MGST1: variants seen among roughly 807,000 people sequenced by gnomAD.
MGST1 encodes glutathione S-transferase 12.
MGST1 carries 5 observed loss-of-function variants against 8.9 expected under a neutral mutation model. That is an observed-to-expected ratio of 0.56 (90% CI 0.29 to 1.19). The LOEUF is 1.19. MGST1 is among the 50% of genes most tolerant of loss of function. The pLI, the probability that MGST1 is intolerant of heterozygous loss-of-function variation, is 0.08. For synonymous variants in MGST1, 54 were observed against 67.8 expected, an observed-to-expected ratio of 0.80 and a Z score of 1.00; for missense variants, 182 against 187.4, an observed-to-expected ratio of 0.97 and a Z score of 0.17.
At chr12:16,477,703 T>A (rs973640633) in intron 4 of MGST1, among the ~76,000 whole-genome samples, 1 of 152,172 alleles carries the variant, frequency 6.6e-6, no homozygotes, top group Non-Finnish European at 1.5e-5. Flanking sequence ...TAAGGAAGAT[T>A]TACTTGATTC....
rs9332943 is a variant in MGST1, at chr12:16,362,384, T to A, written c.222-1411T>A. 0.29 allele frequency among the ~76,000 whole-genome samples: 44,472 copies of A among 151,702 alleles called. 7,314 individuals are homozygous for A. The highest frequency in any genetic ancestry group is 0.66 in the East Asian group (3,364 of 5,088). Reference sequence around the variant, plus strand: ...CTGTCCTCTTCATGTCTCTATGTAGTCATCCTCTTTGTGAGACAAGCTTAG... The same window carrying A: ...CTGTCCTCTTCATGTCTCTATGTAGACATCCTCTTTGTGAGACAAGCTTAG... On this transcript the variant is annotated intron_variant, in intron 3 of 3. Coordinates refer to ENST00000396210, the MANE Select transcript of MGST1 (RefSeq NM_020300.5). This position sits in a 1 kb window ranked among gnomAD's most constrained non-coding sequence, Gnocchi z 4.4.
rs558639780 is a variant in MGST1 at position 16,522,140 on chromosome 12, G to A, written n.483-67388G>A. Among the ~76,000 whole-genome samples, 25 of 152,210 alleles carry A rather than the reference G, an allele frequency of 1.6e-4. No individual in the cohort carries two copies. The South Asian group carries it at 4.8e-3, about 29-fold the overall frequency. ...GGTCTAGCCTGAAGGTGAAGCGCTC[G>A]TACATAGGTTTTACTCTATTCCTCC... On this transcript the variant is annotated intron_variant and non_coding_transcript_variant, in intron 4 of 4. Coordinates refer to the MGST1 transcript ENST00000538857.
chr12:16,554,572 C>T (rs1217481035), intron 4 of MGST1, among the ~76,000 whole-genome samples: 3 of 152,168 alleles, frequency 2.0e-5, no homozygotes, highest in Non-Finnish European at 2.9e-5. Context: ...GCTAACAACC[C>T]TTAGTGTATC....
chr12:16,528,562 G>T (rs1029293280), intron 4 of MGST1, among the ~76,000 whole-genome samples: 13 of 151,930 alleles, frequency 8.6e-5, no homozygotes, highest in African/African-American at 3.1e-4. Flanking sequence ...ATTTATGGTG[G>T]CGTAATAGTC....
chr12:16,398,015 T>G (rs1940620909), intron 1 of MGST1, among the ~76,000 whole-genome samples: 1 of 151,784 alleles, frequency 6.6e-6, no homozygotes, highest in Admixed American at 6.6e-5. Flanking sequence ...CTCCATTTAC[T>G]TACATGTGCA....
intron 1 of MGST1, among the ~76,000 whole-genome samples, chr12:16,431,622 G>A (rs1940940573): frequency 6.6e-6 from 1 of 151,950 alleles, no homozygotes; most frequent in South Asian, 2.1e-4. Flanking sequence ...AGTTCACTGT[G>A]GCCCAAAAGA....
chr12:16,427,335 A>G (rs191569815), intron 1 of MGST1, among the ~76,000 whole-genome samples: 13 of 152,296 alleles, frequency 8.5e-5, no homozygotes, highest in South Asian at 4.1e-4. Flanking sequence ...TGACCTGACA[A>G]TGTTTAAATC....
At chr12:16,437,676 AAATG>A (rs1244964128) in exon 2 of MGST1, 8 of 152,028 alleles carry the variant, frequency 5.3e-5, no homozygotes, top group African/African-American at 1.9e-4. Context: ...TTTCAAAAGA[AAATG>A]AAGACATCCT....
Position 16,401,614 on chromosome 12 carries a change from C to A in MGST1, n.778+18010C>A, listed in dbSNP as rs761491412. ...CGAATACCCATGGCACAAGTGATAGCCCCAAAATACATGTGATTCTTGTCA... is the reference window on the plus strand; with the variant it reads ...CGAATACCCATGGCACAAGTGATAGACCCAAAATACATGTGATTCTTGTCA... On this transcript the variant is annotated intron_variant and non_coding_transcript_variant, in intron 1 of 1. Coordinates refer to the MGST1 transcript ENST00000359720. This position sits in a 1 kb window ranked among gnomAD's most constrained non-coding sequence, Gnocchi z 4.3. 5.1e-5 allele frequency: 79 copies of A among 1,549,238 alleles called. No homozygotes were observed. In the Middle Eastern group the frequency reaches 8.4e-4, roughly 16 times the overall value.
intron 4 of MGST1, among the ~76,000 whole-genome samples, chr12:16,478,186 C>G (rs1207140248): frequency 6.6e-6 from 1 of 152,084 alleles, no homozygotes; most frequent in Non-Finnish European, 1.5e-5. Context: ...CGTGCCACCA[C>G]GCCCAGCTAA....
chr12:16,543,048 C>G (rs759843507), intron 4 of MGST1, among the ~76,000 whole-genome samples: 4 of 152,166 alleles, frequency 2.6e-5, no homozygotes, highest in Non-Finnish European at 5.9e-5. Flanking sequence ...TCTCTACTTC[C>G]TCAGTTATTA....
chr12:16,563,619 C>T (rs1039641721), intron 4 of MGST1, among the ~76,000 whole-genome samples: 10 of 152,066 alleles, frequency 6.6e-5, no homozygotes, highest in African/African-American at 2.2e-4. Context: ...CTCCCACACT[C>T]GTTTATAAAG....
chr12:16,533,960 G>A (rs1395905815), intron 4 of MGST1, among the ~76,000 whole-genome samples: 2 of 152,102 alleles, frequency 1.3e-5, no homozygotes, highest in Non-Finnish European at 2.9e-5. Context: ...CATAGAACAT[G>A]GCTATTCAGG....
intron 1 of MGST1, among the ~76,000 whole-genome samples, chr12:16,397,412 G>C (rs936786621): frequency 6.6e-6 from 1 of 151,940 alleles, no homozygotes. Flanking sequence ...TGCAACACGC[G>C]AAGATAAATA....
At chr12:16,562,467 G>A (rs1942440544) in intron 4 of MGST1, among the ~76,000 whole-genome samples, 1 of 152,146 alleles carries the variant, frequency 6.6e-6, no homozygotes, top group South Asian at 2.1e-4. Context: ...AATTCTGGAC[G>A]TAGTTTTCCC....
At chr12:16,365,243 G>A (rs138457418), downstream of MGST1, among the ~76,000 whole-genome samples, 59 of 137,956 alleles carry the variant, frequency 4.3e-4, no homozygotes, top group African/African-American at 1.4e-3. Context: ...TATGTAGCAC[G>A]TAAATCACAA....
At chr12:16,523,203 T>C (rs1404307246) in intron 4 of MGST1, among the ~76,000 whole-genome samples, 1 of 152,046 alleles carries the variant, frequency 6.6e-6, no homozygotes, top group East Asian at 1.9e-4. Flanking sequence ...ACGGGTTTGA[T>C]TGAATAGAGA....
At chr12:16,529,232 C>T (rs1941706978) in intron 4 of MGST1, among the ~76,000 whole-genome samples, 1 of 152,010 alleles carries the variant, frequency 6.6e-6, no homozygotes, top group African/African-American at 2.4e-5. Context: ...CCAGGATACC[C>T]AGACCATTGT....
chr12:16,575,602 T>G (rs952267608), intron 4 of MGST1, among the ~76,000 whole-genome samples: 1 of 152,126 alleles, frequency 6.6e-6, no homozygotes, highest in Non-Finnish European at 1.5e-5. Context: ...ATCCATTTTA[T>G]GGATGAGGAA....
Sources: gnomAD v4.1 joint callset for allele counts (sites outside exome capture counted in the v4.1 genomes callset) on GRCh38, gnomAD v4.1.1 for gene constraint, Gnocchi (gnomAD v3.1) non-coding constraint, MANE v1.5 for transcripts, NCBI Gene and HGNC (gene_info 2026-07-23, HGNC 2026-07-21) for gene names.